CELF2: variants seen among roughly 807,000 people sequenced by gnomAD.
The protein encoded by CELF2 is CUGBP Elav-like family member 2.
Under a neutral mutation model 62.6 loss-of-function variants are expected in CELF2, and 8 were observed. The observed-to-expected ratio is 0.13, with a 90% confidence interval of 0.07 to 0.23. The LOEUF (loss-of-function observed/expected upper bound fraction) is 0.23, where lower values mean the gene tolerates loss of function less well. Ranked by LOEUF, CELF2 falls within the 10% of genes least tolerant of loss-of-function variation. The pLI is 1.00. For synonymous variants in CELF2, 258 were observed against 250.0 expected, an observed-to-expected ratio of 1.03 and a Z score of -0.30; for missense variants, 333 against 671.0, an observed-to-expected ratio of 0.50 and a Z score of 5.56.
intron 2 of CELF2, among the ~76,000 whole-genome samples, chr10:11,175,635 G>A (rs577629293): frequency 3.0e-4 from 46 of 152,236 alleles, no homozygotes; most frequent in Non-Finnish European, 5.1e-4. Context: ...GGGGGCCTCC[G>A]GTCAGCTCTC....
At chr10:10,855,592 A>G (rs1043265574) in intron 1 of CELF2, among the ~76,000 whole-genome samples, 6 of 152,216 alleles carry the variant, frequency 3.9e-5, no homozygotes, top group African/African-American at 1.4e-4. Context: ...CCTGTTTCTG[A>G]CATAACAAAG....
At chr10:10,778,768 C>T in the CELF2 span, among the ~76,000 whole-genome samples, 2 of 152,104 alleles carry the variant, frequency 1.3e-5, no homozygotes, top group East Asian at 1.9e-4. Flanking sequence ...CTGAGAATCT[C>T]GGTCTGCTGG....
intron 1 of CELF2, among the ~76,000 whole-genome samples, chr10:11,130,831 A>G (rs1450964794): frequency 6.6e-6 from 1 of 152,236 alleles, no homozygotes; most frequent in Non-Finnish European, 1.5e-5. Context: ...TTACTAGTTT[A>G]TACACAACAG....
the CELF2 span, among the ~76,000 whole-genome samples, chr10:10,534,082 A>T: frequency 3.8e-3 from 573 of 152,172 alleles, 4 homozygotes; most frequent in African/African-American, 0.013. Context: ...AGACCACAAA[A>T]TCAAAAGCTT....
chr10:11,026,052 G>T (rs1238962978), intron 1 of CELF2, among the ~76,000 whole-genome samples: 4 of 135,740 alleles, frequency 2.9e-5, no homozygotes, highest in Non-Finnish European at 6.6e-5. Context: ...GGTCTTTTCA[G>T]AGTTAGAGTA....
At chr10:10,728,494 G>A in the CELF2 span, among the ~76,000 whole-genome samples, 34 of 148,182 alleles carry the variant, frequency 2.3e-4, no homozygotes, top group African/African-American at 8.5e-4. Context: ...AAAAATGCAA[G>A]CAAAGAAACA....
intron 2 of CELF2, among the ~76,000 whole-genome samples, chr10:11,201,778 G>A (rs2059267322): frequency 6.6e-6 from 1 of 152,224 alleles, no homozygotes; most frequent in African/African-American, 2.4e-5. Flanking sequence ...TGAGCTGAGG[G>A]GCATGGCTTG....
intron 1 of CELF2, among the ~76,000 whole-genome samples, chr10:11,058,269 T>C (rs2065803173): frequency 6.6e-6 from 1 of 152,152 alleles, no homozygotes; most frequent in African/African-American, 2.4e-5. Context: ...TCTGACTGTA[T>C]ATAGCTGTCA....
At chr10:10,729,590 G>A in the CELF2 span, among the ~76,000 whole-genome samples, 2 of 152,002 alleles carry the variant, frequency 1.3e-5, no homozygotes, top group African/African-American at 4.8e-5. Context: ...CTGGGCAACA[G>A]AGCAAGACTC....
intron 2 of CELF2, among the ~76,000 whole-genome samples, chr10:11,182,978 A>G (rs1417894220): frequency 6.6e-6 from 1 of 152,238 alleles, no homozygotes; most frequent in African/African-American, 2.4e-5. Flanking sequence ...CAATGGAGAC[A>G]TAATTGATAT....
chr10:10,955,242 A>G (rs1024794697), intron 2 of CELF2, among the ~76,000 whole-genome samples: 2 of 152,244 alleles, frequency 1.3e-5, no homozygotes, highest in African/African-American at 2.4e-5. Flanking sequence ...CAAAGCCGGT[A>G]TTTGAACTCA....
chr10:10,505,932 C>T, the CELF2 span, among the ~76,000 whole-genome samples: 1 of 152,166 alleles, frequency 6.6e-6, no homozygotes, highest in Non-Finnish European at 1.5e-5. Flanking sequence ...CTCAAGTTCC[C>T]TAGATGGTCT....
Position 11,260,259 on chromosome 10 carries a change from CCGGG to C in CELF2, c.538+2393_538+2396del, listed in dbSNP as rs2080098026. 6.6e-6 allele frequency among the ~76,000 whole-genome samples: 1 copy of C among 152,186 alleles called. No individual in the cohort carries two copies. The highest frequency in any genetic ancestry group is 1.5e-5 in the Non-Finnish European group (1 of 68,036). On this transcript the variant is annotated intron_variant, in intron 5 of 12. Transcript: ENST00000633077. The surrounding 1 kb of genome is among the most constrained non-coding windows in gnomAD (Gnocchi z 4.2). ...CTCTGCATGTGTTAGCGGAGAGACC[CCGGG>C]CGGGCAGTATGTGTGCTTGATTTCT...
rs775201690 is a variant in CELF2, at chr10:11,217,454, A to G, written c.301A>G (p.Lys101Glu). Residue 101 changes from lysine to glutamate, a missense_variant, in exon 3 of 13, where the codon AAA becomes GAA. Physicochemically the swap from Lys to Glu is moderately conservative, Grantham distance 56. Coordinates refer to ENST00000633077, the MANE Select transcript of CELF2 (RefSeq NM_001326342.2). This position sits in a 1 kb window ranked among gnomAD's most constrained non-coding sequence, Gnocchi z 5.6. ...TTGTTTCGTAACATTTTATACAAGA[A>G]AAGCTGCACTTGAGGCCCAGAATGC... Reference protein sequence around the residue: ...GCCFVTFYTRKAALEAQNALH... With the variant: ...GCCFVTFYTREAALEAQNALH... 6.2e-7 allele frequency: 1 copy of G among 1,613,414 alleles called. No individual in the cohort carries two copies. Among genetic ancestry groups the G allele is most frequent in the Non-Finnish European group, 8.5e-7 (1 of 1,179,540 alleles).
chr10:11,301,549 C>T (rs1375030443), intron 9 of CELF2, among the ~76,000 whole-genome samples: 1 of 133,188 alleles, frequency 7.5e-6, no homozygotes, highest in East Asian at 2.3e-4. Context: ...CCCCCGGCCC[C>T]GACTCCCGTT....
chr10:10,994,994 T>A (rs1257994024), intron 2 of CELF2, among the ~76,000 whole-genome samples: 1 of 152,094 alleles, frequency 6.6e-6, no homozygotes, highest in Non-Finnish European at 1.5e-5. Flanking sequence ...TCTGCAAAAG[T>A]CTCCCTGGTG....
chr10:10,858,605 A>G (rs1031194982), intron 1 of CELF2, among the ~76,000 whole-genome samples: 22 of 152,104 alleles, frequency 1.4e-4, no homozygotes, highest in African/African-American at 5.3e-4. Flanking sequence ...TTAAATGTTA[A>G]TTTATCTACT....
At chr10:10,701,842 C>T in the CELF2 span, among the ~76,000 whole-genome samples, 1 of 152,146 alleles carries the variant, frequency 6.6e-6, no homozygotes, top group Non-Finnish European at 1.5e-5. Flanking sequence ...TTTCCTCTAC[C>T]CCGTAGTTAG....
intron 2 of CELF2, among the ~76,000 whole-genome samples, chr10:10,922,235 C>T (rs944301691): frequency 2.6e-5 from 4 of 152,020 alleles, no homozygotes; most frequent in East Asian, 1.9e-4. Context: ...TAAAACTGTC[C>T]GAGTGTTCTG....
Sources: allele counts gnomAD v4.1 joint callset (sites outside exome capture counted in the v4.1 genomes callset), GRCh38; gene constraint gnomAD v4.1.1; non-coding constraint Gnocchi (gnomAD v3.1); transcripts MANE v1.5; gene names NCBI Gene and HGNC (gene_info 2026-07-23, HGNC 2026-07-21).